Variants in SH3KBP1 observed in about 807,000 individuals in gnomAD.
SH3KBP1 encodes the protein SH3 domain containing kinase binding protein 1.
A neutral mutation model predicts 50.1 loss-of-function variants in SH3KBP1; 8 were observed. The ratio of observed to expected loss-of-function variants is 0.16; its 90% CI spans 0.09 to 0.29. SH3KBP1 has a LOEUF of 0.29. Among genes scored for constraint, SH3KBP1 ranks in the 10% least tolerant of loss-of-function variants. The pLI, the probability that SH3KBP1 is intolerant of heterozygous loss-of-function variation, is 1.00. For synonymous variants in SH3KBP1, 227 were observed against 218.6 expected (o/e 1.04, Z -0.34); for missense variants, 377 against 535.2 (o/e 0.70, Z 2.92).
chrX:19,858,742 C>A (rs1033063148), intron 1 of SH3KBP1, among the ~76,000 whole-genome samples: 25 of 112,342 alleles, frequency 2.2e-4, no homozygotes, highest in African/African-American at 8.1e-4. Flanking sequence ...AGATTTGTGG[C>A]AGCTCCCAAG....
At chrX:19,613,972 T>C (rs1036185369) in intron 8 of SH3KBP1, among the ~76,000 whole-genome samples, 20 of 112,888 alleles carry the variant, frequency 1.8e-4, no homozygotes, top group African/African-American at 5.1e-4. Flanking sequence ...ATCGTGATTA[T>C]ATGGCCTGGT....
At chrX:19,816,545 C>G (rs1317749163) in intron 2 of SH3KBP1, among the ~76,000 whole-genome samples, 1 of 112,102 alleles carries the variant, frequency 8.9e-6, no homozygotes, top group Non-Finnish European at 1.9e-5. Flanking sequence ...TGGTGGCTCA[C>G]ACTTGTAATC....
chrX:19,547,081 G>A (rs2065106281), intron 14 of SH3KBP1, among the ~76,000 whole-genome samples: 2 of 109,855 alleles, frequency 1.8e-5, no homozygotes, highest in African/African-American at 3.3e-5. Context: ...GAGCCCCGGA[G>A]GTCGAGGGTG....
chrX:19,849,683 G>GAAAAAA (rs61338118), intron 1 of SH3KBP1, among the ~76,000 whole-genome samples: 3 of 48,844 alleles, frequency 6.1e-5, no homozygotes, highest in Admixed American at 2.7e-4. Context: ...GTAGCAGAGT[G>GAAAAAA]AAAAAAAAAA....
intron 2 of SH3KBP1, among the ~76,000 whole-genome samples, chrX:19,752,514 T>C (rs184309452): frequency 8.9e-6 from 1 of 112,200 alleles, no homozygotes; most frequent in African/African-American, 3.2e-5. Context: ...TCCAATTATG[T>C]GAAACCCAAC....
chrX:19,634,995 T>C (rs2061668657), intron 7 of SH3KBP1, among the ~76,000 whole-genome samples: 1 of 111,364 alleles, frequency 9.0e-6, no homozygotes, highest in African/African-American at 3.3e-5. Context: ...CCTGAGTTCC[T>C]GGGAGCTCTG....
chrX:19,837,184 G>A (rs2068082657), intron 1 of SH3KBP1, among the ~76,000 whole-genome samples: 1 of 112,186 alleles, frequency 8.9e-6, no homozygotes. Flanking sequence ...GGCTGGCCAA[G>A]CCAATGTCTC....
At chrX:19,663,311 G>A (rs1433125839) in intron 6 of SH3KBP1, among the ~76,000 whole-genome samples, 1 of 111,759 alleles carries the variant, frequency 8.9e-6, no homozygotes, top group Non-Finnish European at 1.9e-5. Flanking sequence ...TTTTAAGAGG[G>A]ATATTTTGTT....
intron 9 of SH3KBP1, among the ~76,000 whole-genome samples, chrX:19,602,984 G>A (rs913632718): frequency 8.9e-6 from 1 of 112,068 alleles, no homozygotes; most frequent in Non-Finnish European, 1.9e-5. Context: ...AATCGTAAGA[G>A]GGTGGGTTGG....
intron 3 of SH3KBP1, among the ~76,000 whole-genome samples, chrX:19,718,731 G>C (rs183604766): frequency 1.8e-5 from 2 of 111,622 alleles, no homozygotes; most frequent in Non-Finnish European, 3.8e-5. Context: ...GAATGACAAG[G>C]GGCCTCGGAC....
chrX:19,589,830 C>A (rs1042927081), intron 11 of SH3KBP1, among the ~76,000 whole-genome samples: 10 of 108,639 alleles, frequency 9.2e-5, no homozygotes, highest in African/African-American at 3.0e-4. Flanking sequence ...AAAAAAAAAA[C>A]CCATCAGGGC....
At chrX:19,695,408 A>T (rs1379931504) in intron 5 of SH3KBP1, among the ~76,000 whole-genome samples, 1 of 111,652 alleles carries the variant, frequency 9.0e-6, no homozygotes, top group African/African-American at 3.3e-5. Context: ...ACCTATCCAG[A>T]GACATACAGA....
chrX:19,860,806 A>G (rs2068758236), intron 1 of SH3KBP1, among the ~76,000 whole-genome samples: 1 of 111,716 alleles, frequency 9.0e-6, no homozygotes. Flanking sequence ...AGAGGAACCT[A>G]GAACAACCAC....
At chrX:19,574,290 G>A (rs1415931720) in intron 12 of SH3KBP1, among the ~76,000 whole-genome samples, 2 of 111,932 alleles carry the variant, frequency 1.8e-5, no homozygotes, top group African/African-American at 6.5e-5. Flanking sequence ...CTTCAGAATG[G>A]GATTTTGTCA....
intron 1 of SH3KBP1, among the ~76,000 whole-genome samples, chrX:19,840,151 T>C (rs1275188878): frequency 8.9e-6 from 1 of 111,911 alleles, no homozygotes; most frequent in Non-Finnish European, 1.9e-5. Context: ...TAAGAGCTCA[T>C]AAATCATGAG....
Position 19,595,758 on chromosome X carries a change from C to G in SH3KBP1, c.1006-758G>C, listed in dbSNP as rs776505800. Among the ~76,000 whole-genome samples, 19 of 111,195 alleles carry G rather than the reference C, an allele frequency of 1.7e-4. No individual in the cohort carries two copies. The East Asian group carries it at 5.4e-3, about 31-fold the overall frequency. On this transcript the variant is annotated intron_variant, in intron 9 of 17. Coordinates refer to ENST00000397821, the MANE Select transcript of SH3KBP1 (RefSeq NM_031892.3). The stretch of plus-strand genomic sequence containing the variant: ...TGACTGTGGGAGAGAGATGATCAGG[C>G]TGGACTTGGAAAATTATTCCATGGC...
intron 2 of SH3KBP1, among the ~76,000 whole-genome samples, chrX:19,834,988 A>T (rs112322759): frequency 0.03 from 3,224 of 107,443 alleles, 111 homozygotes; most frequent in African/African-American, 0.093. Flanking sequence ...TGAGCTGAGA[A>T]CAAGATCATG....
chrX:19,642,856 A>C (rs903451946), intron 7 of SH3KBP1, among the ~76,000 whole-genome samples: 1 of 111,255 alleles, frequency 9.0e-6, no homozygotes, highest in Non-Finnish European at 1.9e-5. Flanking sequence ...AATCCTGATC[A>C]GCTGAGTTTC....
At chrX:19,831,791 CA>C (rs368754488) in intron 2 of SH3KBP1, among the ~76,000 whole-genome samples, 15 of 36,358 alleles carry the variant, frequency 4.1e-4, no homozygotes, top group South Asian at 0.01. Flanking sequence ...AACTCCATCC[CA>C]AAAAAAAAAA....
Sources: allele counts gnomAD v4.1 joint callset (sites outside exome capture counted in the v4.1 genomes callset), GRCh38; gene constraint gnomAD v4.1.1; transcripts MANE v1.5; gene names NCBI Gene and HGNC (gene_info 2026-07-23, HGNC 2026-07-21).